The following RSU1 variants were observed in gnomAD, a reference collection of about 807,000 sequenced individuals.
The protein encoded by RSU1 is Ras suppressor protein 1.
RSU1 carries 26 observed loss-of-function variants against 31.1 expected under a neutral mutation model. The ratio of observed to expected loss-of-function variants is 0.84; its 90% CI spans 0.61 to 1.16. RSU1 has a LOEUF of 1.16. Ranked by LOEUF, RSU1 falls within the 50% of genes most tolerant of loss-of-function variation. The pLI, the probability that RSU1 is intolerant of heterozygous loss-of-function variation, is 0.00. For missense variants in RSU1, 320 were observed against 339.1 expected (o/e 0.94, Z 0.44); for synonymous variants, 164 against 136.3 (o/e 1.20, Z -1.41).
intron 7 of RSU1, among the ~76,000 whole-genome samples, chr10:16,746,376 G>A (rs1315840633): frequency 2.6e-5 from 4 of 152,090 alleles, no homozygotes; most frequent in East Asian, 1.9e-4. Flanking sequence ...GTTGCATGCC[G>A]AGCAGACCAA....
intron 8 of RSU1, among the ~76,000 whole-genome samples, chr10:16,653,761 G>C (rs569830816): frequency 6.6e-6 from 1 of 152,168 alleles, no homozygotes; most frequent in South Asian, 2.1e-4. Context: ...TATCGGACAA[G>C]AGCATACTAC....
intron 7 of RSU1, among the ~76,000 whole-genome samples, chr10:16,699,797 G>A (rs75833635): frequency 6.2e-4 from 94 of 152,322 alleles, no homozygotes; most frequent in South Asian, 2.7e-3. Context: ...GCCAGGCAGC[G>A]CCGTGATTAG....
intron 2 of RSU1, among the ~76,000 whole-genome samples, chr10:16,793,603 G>T (rs1213819205): frequency 6.6e-6 from 1 of 152,104 alleles, no homozygotes. Context: ...GAAGATGCCT[G>T]AGAGAATTAA....
intron 7 of RSU1, among the ~76,000 whole-genome samples, chr10:16,704,686 A>C (rs577616857): frequency 1.3e-5 from 2 of 152,348 alleles, no homozygotes; most frequent in South Asian, 4.1e-4. Flanking sequence ...TACCTGCAGA[A>C]ATTTTATTTT....
At chr10:16,733,648 T>C (rs1030833765) in intron 7 of RSU1, among the ~76,000 whole-genome samples, 2 of 152,162 alleles carry the variant, frequency 1.3e-5, no homozygotes, top group African/African-American at 4.8e-5. Flanking sequence ...AGAACTGTTA[T>C]AAAGGCTATA....
chr10:16,744,413 T>C (rs981313195), intron 7 of RSU1, among the ~76,000 whole-genome samples: 3 of 152,116 alleles, frequency 2.0e-5, no homozygotes, highest in African/African-American at 7.2e-5. Context: ...AAATCCCCAA[T>C]GAAATAAGCG....
At chr10:16,715,261 C>T (rs1032175363) in intron 7 of RSU1, among the ~76,000 whole-genome samples, 1 of 152,190 alleles carries the variant, frequency 6.6e-6, no homozygotes, top group African/African-American at 2.4e-5. Context: ...GTTGCCTTTT[C>T]ATTGTGTTGA....
intron 3 of RSU1, among the ~76,000 whole-genome samples, chr10:16,770,167 A>G (rs1331118731): frequency 1.3e-5 from 2 of 152,108 alleles, no homozygotes; most frequent in African/African-American, 4.8e-5. Flanking sequence ...CTTTTTGAGC[A>G]AAAGCATCTT....
intron 8 of RSU1, among the ~76,000 whole-genome samples, chr10:16,649,114 CTTTAT>C (rs1489527427): frequency 2.0e-5 from 3 of 152,230 alleles, no homozygotes; most frequent in Non-Finnish European, 4.4e-5. Context: ...ACAATCTCAT[CTTTAT>C]TTTAATTTAT....
intron 8 of RSU1, among the ~76,000 whole-genome samples, chr10:16,596,313 G>A (rs1041501057): frequency 6.6e-6 from 1 of 152,068 alleles, no homozygotes; most frequent in Non-Finnish European, 1.5e-5. Flanking sequence ...CCTCCTCCTC[G>A]GCATCTCTCC....
intron 8 of RSU1, among the ~76,000 whole-genome samples, chr10:16,691,090 T>TA (rs112623378): frequency 0.022 from 3,345 of 152,244 alleles, 125 homozygotes; most frequent in African/African-American, 0.077. Context: ...TTTGCTTTTT[T>TA]AAAAAAACTA....
At chr10:16,751,462 G>A (rs958269532) in intron 7 of RSU1, among the ~76,000 whole-genome samples, 3 of 152,162 alleles carry the variant, frequency 2.0e-5, no homozygotes, top group East Asian at 1.9e-4. Context: ...CAGAACTCAA[G>A]GTGCTGATAG....
intron 8 of RSU1, among the ~76,000 whole-genome samples, chr10:16,604,392 A>T (rs1282584384): frequency 1.3e-5 from 2 of 152,142 alleles, no homozygotes; most frequent in African/African-American, 4.8e-5. Context: ...TGCAGGCAGT[A>T]GGGACCAGCG....
chr10:16,698,390 A>C (rs967878250), intron 7 of RSU1, among the ~76,000 whole-genome samples: 3 of 152,176 alleles, frequency 2.0e-5, no homozygotes, highest in Non-Finnish European at 4.4e-5. Flanking sequence ...CTCGTGTTCT[A>C]CTACTGACGG....
In RSU1 at chr10:16,785,431, T is replaced by TATATATATACACATATATACATATATA. The variant is rs1837759663; in HGVS notation, c.110-3374_110-3348dup. Among the ~76,000 whole-genome samples the TATATATATACACATATATACATATATA allele has an allele frequency of 4.7e-5, 6 of 128,006 alleles. 1 individual carries two copies. The highest frequency in any genetic ancestry group is 7.9e-5 in the African/African-American group (2 of 25,356). 84.0% of individuals were successfully genotyped at this position (128,006 alleles called of 152,430 possible). ...CTATATATATATACATATATACATA[T>TATATATATACACATATATACATATATA]ATATATATACACATATATACATATA... On this transcript the variant is annotated intron_variant, in intron 2 of 8. Coordinates refer to ENST00000345264, the MANE Select transcript of RSU1 (RefSeq NM_012425.4).
intron 8 of RSU1, among the ~76,000 whole-genome samples, chr10:16,599,859 G>A (rs565564893): frequency 6.6e-5 from 9 of 135,886 alleles, no homozygotes; most frequent in African/African-American, 1.9e-4. Flanking sequence ...AAGCTTCGGC[G>A]GGCACTGCCA....
At chr10:16,646,992 T>TTG (rs1554762940) in intron 8 of RSU1, among the ~76,000 whole-genome samples, 1 of 151,086 alleles carries the variant, frequency 6.6e-6, no homozygotes, top group African/African-American at 2.4e-5. Flanking sequence ...TTTTTTTTTT[T>TTG]TTTTGAGATG....
At chr10:16,777,793 G>A (rs182675787) in intron 3 of RSU1, among the ~76,000 whole-genome samples, 1 of 152,316 alleles carries the variant, frequency 6.6e-6, no homozygotes, top group East Asian at 1.9e-4. Flanking sequence ...GCTTGAAAGG[G>A]AGGGTAACCA....
At chr10:16,754,694 C>G (rs755134292) in intron 5 of RSU1, among the ~76,000 whole-genome samples, 177 bp downstream of exon 5, 2 of 151,910 alleles carry the variant, frequency 1.3e-5, no homozygotes, top group Non-Finnish European at 2.9e-5. Context: ...TGTCACATAA[C>G]GATCTATCAA....
Sources: gnomAD v4.1 joint callset for allele counts (sites outside exome capture counted in the v4.1 genomes callset) on GRCh38, gnomAD v4.1.1 for gene constraint, MANE v1.5 for transcripts, NCBI Gene and HGNC (gene_info 2026-07-23, HGNC 2026-07-21) for gene names.